The following COL8A1 variants were observed in gnomAD, a reference collection of about 807,000 sequenced individuals.
COL8A1 encodes collagen type VIII alpha 1 chain.
Under a neutral mutation model 42.7 loss-of-function variants are expected in COL8A1, and 21 were observed. The ratio of observed to expected loss-of-function variants is 0.49; its 90% CI spans 0.35 to 0.71. The LOEUF is 0.71. Ranked by LOEUF, COL8A1 falls within the 30% of genes least tolerant of loss-of-function variation. The probability of loss-of-function intolerance (pLI) is 0.01; values close to 1 mark genes in which losing one functional copy is unlikely to be tolerated. For synonymous variants in COL8A1, 367 were observed against 369.1 expected, an observed-to-expected ratio of 0.99 and a Z score of 0.06; for missense variants, 788 against 962.4, an observed-to-expected ratio of 0.82 and a Z score of 2.40.
At chr3:99,681,732 C>A (rs1029052197) in intron 1 of COL8A1, among the ~76,000 whole-genome samples, 3 of 152,174 alleles carry the variant, frequency 2.0e-5, no homozygotes, top group Non-Finnish European at 4.4e-5. Flanking sequence ...AGATTTTCAC[C>A]ACTTTAAGAC....
chr3:99,738,540 T>C (rs191323813), intron 1 of COL8A1, among the ~76,000 whole-genome samples: 78 of 152,226 alleles, frequency 5.1e-4, no homozygotes, highest in Non-Finnish European at 1.0e-3. Context: ...CTGCTCGGGG[T>C]TCAGGGGTCA....
chr3:99,690,568 C>CA, intron 1 of COL8A1, among the ~76,000 whole-genome samples: 1 of 152,200 alleles, frequency 6.6e-6, no homozygotes, highest in South Asian at 2.1e-4. Context: ...CCCAGGGACT[C>CA]AAAAAATATT....
At chr3:99,710,369 T>G (rs1939800399) in intron 1 of COL8A1, among the ~76,000 whole-genome samples, 1 of 152,020 alleles carries the variant, frequency 6.6e-6, no homozygotes, top group African/African-American at 2.4e-5. Flanking sequence ...CTCCACTATC[T>G]CCGTCCCCTC....
chr3:99,758,452 C>T (rs1941302491), intron 2 of COL8A1, among the ~76,000 whole-genome samples: 1 of 152,084 alleles, frequency 6.6e-6, no homozygotes, highest in African/African-American at 2.4e-5. Context: ...GAGCAGAGCT[C>T]CTCTTGAATA....
chr3:99,782,622 C>G (rs933140258), intron 2 of COL8A1, among the ~76,000 whole-genome samples: 7 of 152,114 alleles, frequency 4.6e-5, no homozygotes, highest in Admixed American at 4.6e-4. Context: ...GAACACCTGA[C>G]CTCAGGTGAT....
intron 1 of COL8A1, among the ~76,000 whole-genome samples, chr3:99,689,317 T>C (rs1025141930): frequency 6.6e-6 from 1 of 152,220 alleles, no homozygotes; most frequent in Non-Finnish European, 1.5e-5. Context: ...AGAAACTTAG[T>C]ATGCAACATC....
At chr3:99,764,468 T>G (rs751706453) in intron 2 of COL8A1, among the ~76,000 whole-genome samples, 5 of 152,170 alleles carry the variant, frequency 3.3e-5, no homozygotes, top group Admixed American at 1.3e-4. Flanking sequence ...TACACCACGA[T>G]CTATTCAATA....
chr3:99,657,538 A>C (rs575961264), intron 1 of COL8A1, among the ~76,000 whole-genome samples: 2 of 152,166 alleles, frequency 1.3e-5, no homozygotes, highest in South Asian at 2.1e-4. Context: ...CTAAAATCTC[A>C]TTACCTAAAA....
At chr3:99,730,619 G>A (rs1940476621) in intron 1 of COL8A1, among the ~76,000 whole-genome samples, 1 of 152,052 alleles carries the variant, frequency 6.6e-6, no homozygotes, top group Admixed American at 6.6e-5. Context: ...AACACTTTCA[G>A]TGTGAAAGGA....
At chr3:99,737,383 A>C (rs927916279) in intron 1 of COL8A1, among the ~76,000 whole-genome samples, 7 of 151,858 alleles carry the variant, frequency 4.6e-5, no homozygotes, top group Non-Finnish European at 8.8e-5. Context: ...TCCATTCCAT[A>C]TTTAGTGCTT....
At chr3:99,716,576 C>A (rs2107363746) in intron 1 of COL8A1, among the ~76,000 whole-genome samples, 1 of 151,936 alleles carries the variant, frequency 6.6e-6, no homozygotes, top group South Asian at 2.1e-4. Flanking sequence ...TCAACAATTC[C>A]AAACAAAATC....
chr3:99,726,959 G>A (rs1437540894), intron 1 of COL8A1, among the ~76,000 whole-genome samples: 1 of 152,106 alleles, frequency 6.6e-6, no homozygotes, highest in African/African-American at 2.4e-5. Flanking sequence ...GAAAGTCATT[G>A]GTAGCTTTAT....
intron 1 of COL8A1, among the ~76,000 whole-genome samples, chr3:99,727,772 A>T (rs976991924): frequency 6.6e-5 from 10 of 152,036 alleles, no homozygotes; most frequent in African/African-American, 2.2e-4. Flanking sequence ...ATCCAGCAGC[A>T]CATCCAAAAG....
chr3:99,723,870 G>T (rs1297619935), intron 1 of COL8A1, among the ~76,000 whole-genome samples: 1 of 151,996 alleles, frequency 6.6e-6, no homozygotes, highest in Non-Finnish European at 1.5e-5. Flanking sequence ...TCTTCATCTT[G>T]CAGAATTATT....
intron 1 of COL8A1, among the ~76,000 whole-genome samples, chr3:99,645,259 A>G (rs1937620222): frequency 6.6e-6 from 1 of 152,130 alleles, no homozygotes; most frequent in Non-Finnish European, 1.5e-5. Flanking sequence ...GTGTTCATCA[A>G]TGCTATCAAT....
At chr3:99,682,281 G>A (rs1035991512) in intron 1 of COL8A1, among the ~76,000 whole-genome samples, 1 of 152,082 alleles carries the variant, frequency 6.6e-6, no homozygotes, top group Non-Finnish European at 1.5e-5. Context: ...GCTGGGCCTG[G>A]CGGTGCACGC....
chr3:99,795,921 G>A lies in COL8A1; in HGVS notation c.2020G>A (p.Val674Met), dbSNP rs766014652. Residue 674 changes from valine to methionine, a missense_variant, in exon 4 of 4, where the codon GTG becomes ATG. Val to Met is a conservative substitution (Grantham distance 21, BLOSUM62 1). Coordinates refer to ENST00000652472, the MANE Select transcript of COL8A1 (RefSeq NM_020351.4). ...CCACGTTCACTGCAAGGGGGGCAAC[G>A]TGTGGGTTGCTCTATTCAAGAACAA... Reference protein sequence around the residue: ...AYHVHCKGGNVWVALFKNNEP... With the variant: ...AYHVHCKGGNMWVALFKNNEP... The A allele has an allele frequency of 4.3e-6, 7 of 1,614,170 alleles. No individual in the cohort carries two copies. Among genetic ancestry groups the A allele is most frequent in the Admixed American group, 3.3e-5 (2 of 60,022 alleles).
chr3:99,678,773 C>G (rs552797165), intron 1 of COL8A1: 1 of 152,146 alleles, frequency 6.6e-6, no homozygotes, highest in African/African-American at 2.4e-5. Flanking sequence ...GAGGTGAAGT[C>G]AATGGGAAAG....
intron 1 of COL8A1, among the ~76,000 whole-genome samples, chr3:99,651,149 C>A (rs1559768009): frequency 1.3e-5 from 2 of 152,132 alleles, no homozygotes; most frequent in Non-Finnish European, 2.9e-5. Flanking sequence ...TTCTTTATCA[C>A]TATATAAACA....
Sources: allele counts gnomAD v4.1 joint callset (sites outside exome capture counted in the v4.1 genomes callset), GRCh38; gene constraint gnomAD v4.1.1; transcripts MANE v1.5; gene names NCBI Gene and HGNC (gene_info 2026-07-23, HGNC 2026-07-21).